SMG9: variants seen among roughly 807,000 people sequenced by gnomAD.
SMG9 encodes nonsense-mediated mRNA decay factor SMG9.
In SMG9, 55 loss-of-function variants were observed where a neutral mutation model predicts 64.0. The ratio of observed to expected loss-of-function variants is 0.86; its 90% CI spans 0.69 to 1.08. SMG9 has a LOEUF of 1.08. Among genes scored for constraint, SMG9 ranks in the 50% least tolerant of loss-of-function variants. SMG9 has a pLI of 0.00. For synonymous variants in SMG9, 244 were observed against 254.8 expected, an observed-to-expected ratio of 0.96 and a Z score of 0.41; for missense variants, 554 against 681.3, an observed-to-expected ratio of 0.81 and a Z score of 2.08.
chr19:43,734,297 CCT>C (rs931115381), intron 10 of SMG9, 90 bp downstream of exon 10: 12 of 1,032,314 alleles, frequency 1.2e-5, no homozygotes, highest in Non-Finnish European at 1.6e-5. Context: ...CCCACTCCTT[CCT>C]CTCTCTCCCC....
chr19:43,732,006 C>T (rs560593243), intron 13 of SMG9, among the ~76,000 whole-genome samples: 4 of 152,330 alleles, frequency 2.6e-5, no homozygotes, highest in East Asian at 1.9e-4. Context: ...CAGAGTCTTA[C>T]GACATAGAAA....
intron 9 of SMG9, among the ~76,000 whole-genome samples, chr19:43,736,889 G>C (rs1181165847): frequency 6.6e-6 from 1 of 152,218 alleles, no homozygotes; most frequent in Non-Finnish European, 1.5e-5. Flanking sequence ...AGTCTGAGGA[G>C]ATCTGCGGGA....
Position 43,733,635 on chromosome 19 carries a change from G to A in SMG9, c.1201C>T (p.Arg401Cys), listed in dbSNP as rs775948640. 56 of 1,613,904 alleles carry A rather than the reference G, an allele frequency of 3.5e-5. No homozygotes were observed. The highest frequency in any genetic ancestry group is 2.2e-5 in the East Asian group (1 of 44,890). Residue 401 changes from arginine (R) to cysteine (C), a missense_variant, in exon 11 of 14, where the codon CGT (arginine) becomes TGT (cysteine). By Grantham distance (180) the Arg-to-Cys change is radical. Coordinates refer to ENST00000270066, the MANE Select transcript of SMG9 (RefSeq NM_019108.4). Reference protein sequence around the residue: ...IDQLMAHSHLRYKGTLSMLQC... With the variant: ...IDQLMAHSHLCYKGTLSMLQC... Reference sequence around the variant, plus strand: ...ATGTGGGAACCCTTACCCTTGTAACGCAGGTGGGAGTGGGCCATGAGCTGG... The same window carrying A: ...ATGTGGGAACCCTTACCCTTGTAACACAGGTGGGAGTGGGCCATGAGCTGG...
At chr19:43,737,510 T>C (rs1968707705) in intron 9 of SMG9, 87 bp downstream of exon 9, 3 of 1,175,652 alleles carry the variant, frequency 2.6e-6, no homozygotes, top group Non-Finnish European at 2.4e-6. Context: ...CTCTGGCTGC[T>C]GTCCCTTGAG....
chr19:43,744,455 G>A (rs1053649720), intron 6 of SMG9, among the ~76,000 whole-genome samples: 5 of 152,172 alleles, frequency 3.3e-5, no homozygotes, highest in Non-Finnish European at 2.9e-5. Context: ...TTATGTTGCA[G>A]GGCTGAGCCT....
chr19:43,734,459 G>T lies in SMG9; in HGVS notation c.1032C>A (p.Thr344=). The change falls in exon 10 of 14, where the codon ACC becomes ACA. Residue 344 remains threonine, a synonymous_variant. Transcript: ENST00000270066. The stretch of plus-strand genomic sequence containing the variant: ...TGCTGGACTCGTGGCTGGGGGATGG[G>T]GTGGAGGGCTTCACCATCTCTGCTG... The part of the protein sequence containing the change: ...LQTAEMVKPS[T]PSPSHESSSS... 6.4e-7 allele frequency: 1 copy of T among 1,562,378 alleles called. No homozygotes were observed.
chr19:43,752,491 C>T (rs1043829994), intron 1 of SMG9, among the ~76,000 whole-genome samples: 1 of 152,244 alleles, frequency 6.6e-6, no homozygotes, highest in African/African-American at 2.4e-5. Context: ...AACATGGCCA[C>T]ATCCATCAAT....
rs779426845 is a variant in SMG9 at position 43,747,979 on chromosome 19, C to G, written c.224G>C (p.Arg75Pro). The part of the protein sequence containing the change: ...PIILSKPPAE[R>P]SKQPPPPTAP... ...CCTCCTCCCTCCTTCTCTGCTCACC[C>G]GCTCTGCTGGAGGTTTTGAGAGGAT... The change falls in exon 3 of 14, where the codon CGG becomes CCG. Residue 75 changes from arginine to proline, a missense_variant and splice_region_variant. By Grantham distance (103) the Arg-to-Pro change is moderately radical. Transcript: ENST00000270066. 2 of 1,614,174 alleles carry G rather than the reference C, an allele frequency of 1.2e-6. No individual in the cohort carries two copies. The highest frequency in any genetic ancestry group is 1.7e-6 in the Non-Finnish European group (2 of 1,180,028).
In SMG9 at chr19:43,733,418, C is replaced by T. The variant is rs200065062; in HGVS notation, c.1245G>A (p.Pro415=). ...TLSMLQCNVF[P]GLPPDFLDSE... ...AGTCCAGGAAGTCAGGTGGAAGCCC[C>T]GGGAAGACATTGCATTGTAACATGG... Residue 415 remains proline (P), a synonymous_variant, in exon 12 of 14, where the codon CCG becomes CCA. Transcript: ENST00000270066. 11 of 1,613,958 alleles carry T rather than the reference C, an allele frequency of 6.8e-6. No individual in the cohort carries two copies. In the East Asian group the frequency reaches 1.8e-4, roughly 26 times the overall value.
intron 6 of SMG9, among the ~76,000 whole-genome samples, chr19:43,741,707 A>G (rs1016409897): frequency 6.6e-6 from 1 of 152,126 alleles, no homozygotes; most frequent in South Asian, 2.1e-4. Flanking sequence ...CTTCAGACGC[A>G]TTGCCCATGC....
At chr19:43,742,990 G>A (rs1968888506) in intron 6 of SMG9, among the ~76,000 whole-genome samples, 3 of 151,908 alleles carry the variant, frequency 2.0e-5, no homozygotes, top group African/African-American at 7.3e-5. Context: ...CACAAGAATC[G>A]GTTGAACCCA....
Position 43,730,978 on chromosome 19 carries a change from C to T in SMG9, c.*618G>A. 3.6e-6 allele frequency: 1 copy of T among 276,762 alleles called. No homozygotes were observed. Among genetic ancestry groups the T allele is most frequent in the Non-Finnish European group, 5.5e-6 (1 of 182,260 alleles). The allele number at this position is 276,762 out of a possible 1,614,324, so 17.1% of individuals were successfully genotyped here. A position where few individuals can be genotyped will look rare whatever the true frequency, so the allele number is the denominator to read the frequency against. Reference sequence around the variant, plus strand: ...ACTCAGCTGCACCAGTGTATTTTCCCATCCAAAACATACACAGGGGAGGCT... The same window carrying T: ...ACTCAGCTGCACCAGTGTATTTTCCTATCCAAAACATACACAGGGGAGGCT... On this transcript the variant is annotated 3_prime_UTR_variant, in exon 14 of 14. Transcript: ENST00000270066.
chr19:43,738,575 ATAAT>A (rs928927703), intron 7 of SMG9, among the ~76,000 whole-genome samples: 1 of 152,126 alleles, frequency 6.6e-6, no homozygotes, highest in East Asian at 1.9e-4. Context: ...AAAAAAAAAA[ATAAT>A]TAGTGTGAAA....
chr19:43,741,613 C>G (rs1049556147), intron 6 of SMG9, among the ~76,000 whole-genome samples: 1 of 152,160 alleles, frequency 6.6e-6, no homozygotes, highest in Non-Finnish European at 1.5e-5. Flanking sequence ...CAGAGTGCCT[C>G]GCTCTGCCTC....
intron 13 of SMG9, 114 bp from the exon 14 acceptor site, chr19:43,731,788 A>G: frequency 7.8e-7 from 1 of 1,281,406 alleles, no homozygotes; most frequent in Non-Finnish European, 1.1e-6. Flanking sequence ...TGTGACTCTG[A>G]GCCTCTTGGA....
rs1364527650 is a variant in SMG9, at chr19:43,738,345, C to T, written c.814-128G>A. The stretch of plus-strand genomic sequence containing the variant: ...GGCAGGCAATTTCTAATTAGAACAG[C>T]AAAAGGAAGTTAAAGAAAAAAAACT... On this transcript the variant is annotated intron_variant, in intron 7 of 13. Transcript: ENST00000270066. The T allele has an allele frequency of 4.0e-6, 3 of 742,564 alleles. No homozygotes were observed. In the East Asian group the frequency reaches 8.0e-5, roughly 20 times the overall value. The allele number at this position is 742,564 out of a possible 1,614,324, so 46.0% of individuals were successfully genotyped here.
chr19:43,746,923 G>A (rs1301039266), intron 5 of SMG9, among the ~76,000 whole-genome samples: 3 of 151,760 alleles, frequency 2.0e-5, no homozygotes, highest in Non-Finnish European at 2.9e-5. Flanking sequence ...CTGGAGTCAA[G>A]TGATCCTCTT....
At chr19:43,734,584 G>T in intron 9 of SMG9, 89 bp from the exon 10 acceptor site, 2 of 800,384 alleles carry the variant, frequency 2.5e-6, no homozygotes, top group Non-Finnish European at 4.1e-6. Context: ...AGATTCTGAT[G>T]AAAGCTACAG....
intron 11 of SMG9, 26 bp downstream of exon 11, chr19:43,733,600 T>C: frequency 1.9e-6 from 3 of 1,612,294 alleles, no homozygotes; most frequent in African/African-American, 1.3e-5. Flanking sequence ...GCTGACTAGC[T>C]TGGGGGGTGA....
Sources: gnomAD v4.1 joint callset for allele counts (sites outside exome capture counted in the v4.1 genomes callset) on GRCh38, gnomAD v4.1.1 for gene constraint, MANE v1.5 for transcripts, NCBI Gene and HGNC (gene_info 2026-07-23, HGNC 2026-07-21) for gene names.